The following GDAP1 variants were observed in gnomAD, a reference collection of about 807,000 sequenced individuals.
The protein encoded by GDAP1 is ganglioside-induced differentiation-associated protein 1.
A neutral mutation model predicts 40.1 loss-of-function variants in GDAP1; 34 were observed. The observed-to-expected ratio is 0.85, with a 90% CI of 0.64 to 1.13. GDAP1 has a LOEUF of 1.13. Among genes scored for constraint, GDAP1 ranks in the 50% most tolerant of loss-of-function variants. GDAP1 has a pLI of 0.00. For synonymous variants in GDAP1, 170 were observed against 157.4 expected (o/e 1.08, Z -0.60); for missense variants, 374 against 433.7 (o/e 0.86, Z 1.22).
At chr8:74,485,298 A>C (rs77910741) in intron 2 of GDAP1, among the ~76,000 whole-genome samples, 7,235 of 152,296 alleles carry the variant, frequency 0.048, 255 homozygotes, top group East Asian at 0.085. Flanking sequence ...ATCTAAGTCA[A>C]GTAATTGTTG....
intron 2 of GDAP1, among the ~76,000 whole-genome samples, chr8:74,483,927 G>A (rs1563481968): frequency 6.6e-6 from 1 of 152,116 alleles, no homozygotes; most frequent in African/African-American, 2.4e-5. Context: ...AAGTGGTCAC[G>A]GATTTCGACA....
At chr8:74,404,086 A>T (rs565137875) in intron 2 of GDAP1, among the ~76,000 whole-genome samples, 1 of 150,138 alleles carries the variant, frequency 6.7e-6, no homozygotes, top group East Asian at 1.9e-4. Context: ...AATAAAAATA[A>T]TGATAATGGC....
downstream of GDAP1, among the ~76,000 whole-genome samples, chr8:74,369,719 T>C (rs1318620145): frequency 6.6e-6 from 1 of 152,030 alleles, no homozygotes; most frequent in Non-Finnish European, 1.5e-5. Flanking sequence ...AGAAAATCAC[T>C]GAACTCAGTG....
At chr8:74,389,579 C>T (rs1047833931) in intron 2 of GDAP1, among the ~76,000 whole-genome samples, 6 of 152,090 alleles carry the variant, frequency 3.9e-5, no homozygotes, top group African/African-American at 1.4e-4. Context: ...TTGTAGGTAA[C>T]CTGTCCTTTC....
At position 74,445,903 on chromosome 8, in the gene GDAP1, G is replaced by A. The variant is rs994228077; in HGVS notation, c.166-42775G>A. ...GAGCTATCAGGTTATTGTCAACATG[G>A]CTTCTCAACATTTGGAGCAGAGGGA... On this transcript the variant is annotated intron_variant, in intron 2 of 2. Coordinates refer to the GDAP1 transcript ENST00000523640. Among the ~76,000 whole-genome samples, 8 of 152,158 alleles carry A rather than the reference G, an allele frequency of 5.3e-5. No individual in the cohort carries two copies. The East Asian group carries it at 5.8e-4, about 11-fold the overall frequency.
At chr8:74,415,606 C>A (rs1354817247) in intron 2 of GDAP1, among the ~76,000 whole-genome samples, 2 of 150,122 alleles carry the variant, frequency 1.3e-5, no homozygotes, top group African/African-American at 5.1e-5. Flanking sequence ...GGCAACCTGG[C>A]AGTCCAGGCC....
In GDAP1 at chr8:74,365,114, A is replaced by G. The variant is rs1809559738; in HGVS notation, c.*747A>G. ...GGGTGGCATCTGTAGCCCTCTTCATACACATAAGTGGCATTTAGGTGAATG... is the reference window on the plus strand; with the variant it reads ...GGGTGGCATCTGTAGCCCTCTTCATGCACATAAGTGGCATTTAGGTGAATG... On this transcript the variant is annotated 3_prime_UTR_variant, in exon 6 of 6. Transcript: ENST00000220822. 4.4e-6 allele frequency: 2 copies of G among 453,974 alleles called. No individual in the cohort carries two copies. The highest frequency in any genetic ancestry group is 2.0e-5 in the African/African-American group (1 of 49,988). 28.1% of individuals were successfully genotyped at this position (453,974 alleles called of 1,614,324 possible).
In GDAP1 at chr8:74,360,281, T is replaced by A; in HGVS notation, c.455T>A (p.Ile152Asn). The change falls in exon 3 of 6, where the codon ATC becomes AAC. Residue 152 changes from isoleucine (I) to asparagine (N), a missense_variant. Physicochemically the swap from Ile to Asn is moderately radical, Grantham distance 149. Transcript: ENST00000220822. ...LHPELTVDSM[I>N]PAYATTRIRS... ...CCTGAGTTAACTGTGGACTCCATGA[T>A]CCCGGCTTATGCAACTACAAGGATT... 1 of 1,614,066 alleles carries A rather than the reference T, an allele frequency of 6.2e-7. No individual in the cohort carries two copies. The highest frequency in any genetic ancestry group is 1.7e-5 in the Admixed American group (1 of 60,022).
chr8:74,386,568 T>A (rs1266915784), intron 2 of GDAP1, among the ~76,000 whole-genome samples: 1 of 152,220 alleles, frequency 6.6e-6, no homozygotes, highest in East Asian at 1.9e-4. Context: ...ACCAGTACCA[T>A]GCGATTTTTG....
At chr8:74,445,162 T>C (rs1048254775) in intron 2 of GDAP1, among the ~76,000 whole-genome samples, 1 of 152,212 alleles carries the variant, frequency 6.6e-6, no homozygotes, top group Non-Finnish European at 1.5e-5. Context: ...AGTAATCTAA[T>C]GCTACCCCTT....
chr8:74,379,199 T>C (rs1248186375), intron 2 of GDAP1, among the ~76,000 whole-genome samples: 1 of 128,580 alleles, frequency 7.8e-6, no homozygotes, highest in Non-Finnish European at 1.7e-5. Flanking sequence ...GGGTTCCATA[T>C]GAATTTGGAA....
In GDAP1 at chr8:74,364,945, T is replaced by C. The variant is rs1386076833; in HGVS notation, c.*578T>C. On this transcript the variant is annotated 3_prime_UTR_variant, in exon 6 of 6. Transcript: ENST00000220822. ...CTGCCTAGCATTTCTGTAAAAGTCT[T>C]AAGTGATATTAAGATGATTCCTTAC... The C allele has an allele frequency of 2.2e-6, 1 of 454,014 alleles. No individual in the cohort carries two copies. The highest frequency in any genetic ancestry group is 6.9e-5 in the East Asian group (1 of 14,404). 28.1% of individuals were successfully genotyped at this position (454,014 alleles called of 1,614,324 possible).
In GDAP1 at chr8:74,365,961, A is replaced by T; in HGVS notation, c.*1594A>T. The T allele has an allele frequency of 2.2e-6, 1 of 452,580 alleles. No individual in the cohort carries two copies. The highest frequency in any genetic ancestry group is 4.4e-6 in the Non-Finnish European group (1 of 226,402). The allele number at this position is 452,580 out of a possible 1,614,324, so 28.0% of individuals were successfully genotyped here. ...AGAGCCATAGAAGTTATTATTCATT[A>T]GTTCATAGTGTTTGAGTTCTTTATG... On this transcript the variant is annotated 3_prime_UTR_variant, in exon 6 of 6. Coordinates refer to ENST00000220822, the MANE Select transcript of GDAP1 (RefSeq NM_018972.4).
At chr8:74,458,377 G>A (rs1215781754) in intron 2 of GDAP1, among the ~76,000 whole-genome samples, 2 of 152,118 alleles carry the variant, frequency 1.3e-5, no homozygotes, top group Non-Finnish European at 2.9e-5. Context: ...TCATTATAAA[G>A]GACACATGTG....
At chr8:74,471,323 T>C (rs1240863378) in intron 2 of GDAP1, among the ~76,000 whole-genome samples, 2 of 152,082 alleles carry the variant, frequency 1.3e-5, no homozygotes, top group Non-Finnish European at 2.9e-5. Flanking sequence ...AAAATAATTT[T>C]ATTTAAAGTA....
chr8:74,367,742 G>T (rs1345074227), downstream of GDAP1, among the ~76,000 whole-genome samples: 1 of 152,226 alleles, frequency 6.6e-6, no homozygotes, highest in Non-Finnish European at 1.5e-5. Context: ...GTAATTTCTA[G>T]TGTGAGGATA....
At position 74,350,460 on chromosome 8, in the gene GDAP1, A is replaced by G. The variant is rs200775867; in HGVS notation, c.-2A>G. The G allele has an allele frequency of 3.3e-5, 53 of 1,597,516 alleles. No individual in the cohort carries two copies. The highest frequency in any genetic ancestry group is 5.0e-5 in the Admixed American group (3 of 60,016). ...GGCGCACCCGTGCTCGCGCACCCCAAGATGGCTGAGAGGCAGGAAGAGCAG... is the reference window on the plus strand; with the variant it reads ...GGCGCACCCGTGCTCGCGCACCCCAGGATGGCTGAGAGGCAGGAAGAGCAG... On this transcript the variant is annotated 5_prime_UTR_variant, in exon 1 of 6. Coordinates refer to ENST00000220822, the MANE Select transcript of GDAP1 (RefSeq NM_018972.4).
intron 2 of GDAP1, among the ~76,000 whole-genome samples, chr8:74,426,318 G>A (rs370429676): frequency 2.0e-5 from 3 of 152,158 alleles, no homozygotes; most frequent in South Asian, 2.1e-4. Context: ...CTAAAGTGCA[G>A]ACTAATCTTT....
chr8:74,419,311 G>A (rs1052940950), intron 2 of GDAP1, among the ~76,000 whole-genome samples: 9 of 152,132 alleles, frequency 5.9e-5, no homozygotes, highest in Non-Finnish European at 1.0e-4. Context: ...AAACTGTGGG[G>A]TATTCATATA....
Sources: gnomAD v4.1 joint callset for allele counts (sites outside exome capture counted in the v4.1 genomes callset) on GRCh38, gnomAD v4.1.1 for gene constraint, MANE v1.5 for transcripts, NCBI Gene and HGNC (gene_info 2026-07-23, HGNC 2026-07-21) for gene names.